LIN9: variants seen among roughly 807,000 people sequenced by gnomAD.
LIN9 encodes protein lin-9 homolog.
Under a neutral mutation model 78.0 loss-of-function variants are expected in LIN9, and 18 were observed. The observed-to-expected ratio is 0.23, with a 90% CI of 0.16 to 0.34. LIN9 has a LOEUF of 0.34. Ranked by LOEUF, LIN9 falls within the 10% of genes least tolerant of loss-of-function variation. The pLI, the probability that LIN9 is intolerant of heterozygous loss-of-function variation, is 1.00. For synonymous variants in LIN9, 192 were observed against 215.2 expected (o/e 0.89, Z 0.94); for missense variants, 451 against 644.1 (o/e 0.70, Z 3.25).
intron 7 of LIN9, among the ~76,000 whole-genome samples, chr1:226,272,539 CTTT>C (rs555346267): frequency 0.22 from 28,353 of 129,444 alleles, 3,259 homozygotes; most frequent in South Asian, 0.33. Flanking sequence ...CATGCTTGAC[CTTT>C]TTTTTTTTTT....
chr1:226,303,116 AAACAC>A (rs1412365724), intron 1 of LIN9, among the ~76,000 whole-genome samples: 2 of 152,240 alleles, frequency 1.3e-5, no homozygotes, highest in African/African-American at 2.4e-5. Flanking sequence ...TCAAACAATG[AAACAC>A]AACTGTAAAG....
chr1:226,267,918 C>T, intron 8 of LIN9, 39 bp downstream of exon 8: 2 of 1,579,870 alleles, frequency 1.3e-6, no homozygotes, highest in Non-Finnish European at 1.7e-6. Flanking sequence ...ACACATTTAA[C>T]AGGCATAAAA....
chr1:226,268,529 T>C (rs952017993), intron 7 of LIN9, among the ~76,000 whole-genome samples: 1 of 152,186 alleles, frequency 6.6e-6, no homozygotes, highest in African/African-American at 2.4e-5. Context: ...GGTTGGCCTT[T>C]GTCTGGTATC....
At chr1:226,296,534 A>T (rs375880799) in intron 3 of LIN9, among the ~76,000 whole-genome samples, 8 of 152,244 alleles carry the variant, frequency 5.3e-5, no homozygotes, top group Non-Finnish European at 8.8e-5. Flanking sequence ...AGGGTCTGTA[A>T]TAGTAAAGAT....
intron 7 of LIN9, among the ~76,000 whole-genome samples, chr1:226,271,806 T>C (rs1343829594): frequency 1.3e-5 from 2 of 152,166 alleles, no homozygotes; most frequent in African/African-American, 4.8e-5. Context: ...AATATTAGGA[T>C]TGGTATATCT....
At chr1:226,260,941 G>A (rs183204704) in intron 10 of LIN9, among the ~76,000 whole-genome samples, 28 of 151,670 alleles carry the variant, frequency 1.8e-4, no homozygotes, top group Non-Finnish European at 2.9e-4. Flanking sequence ...CACCGCACCC[G>A]GCCCCAAGTG....
intron 10 of LIN9, among the ~76,000 whole-genome samples, chr1:226,261,440 G>GGGA (rs1659585980): frequency 6.6e-6 from 1 of 151,248 alleles, no homozygotes; most frequent in Non-Finnish European, 1.5e-5. Flanking sequence ...CTACAGCAAA[G>GGGA]TTGCAGGATA....
chr1:226,289,838 G>GGGGGTGGGGGGGTGGGGGGGGGT, intron 4 of LIN9, among the ~76,000 whole-genome samples: 1 of 59,108 alleles, frequency 1.7e-5, no homozygotes, highest in Non-Finnish European at 3.6e-5. Context: ...GTCCTCCGGG[G>GGGGGTGGGGGGGTGGGGGGGGGT]GGGGGGGTGG....
At chr1:226,287,578 C>T in intron 5 of LIN9, 86 bp downstream of exon 5, 1 of 837,380 alleles carries the variant, frequency 1.2e-6, no homozygotes, top group Non-Finnish European at 1.8e-6. Flanking sequence ...CAAAGTAGAC[C>T]TATAGAAAAT....
intron 10 of LIN9, among the ~76,000 whole-genome samples, chr1:226,255,286 T>C (rs1407899584): frequency 6.6e-6 from 1 of 152,152 alleles, no homozygotes; most frequent in Non-Finnish European, 1.5e-5. Context: ...AGATGGAGCA[T>C]TCTGTTCTTA....
chr1:226,252,096 G>A (rs909702984), intron 10 of LIN9, among the ~76,000 whole-genome samples: 4 of 152,026 alleles, frequency 2.6e-5, no homozygotes, highest in African/African-American at 9.6e-5. Context: ...CGTGAGTCTA[G>A]GAGTTTGAGA....
intron 3 of LIN9, among the ~76,000 whole-genome samples, chr1:226,296,723 A>G (rs1242198324): frequency 6.6e-6 from 1 of 152,120 alleles, no homozygotes; most frequent in African/African-American, 2.4e-5. Flanking sequence ...TGAACCCTTG[A>G]AATTAAACCC....
intron 10 of LIN9, among the ~76,000 whole-genome samples, chr1:226,262,323 G>A (rs1659641286): frequency 6.6e-6 from 1 of 152,102 alleles, no homozygotes; most frequent in South Asian, 2.1e-4. Flanking sequence ...TAAAGACATT[G>A]TAAAGAGAAT....
chr1:226,255,553 A>C (rs1470573978), intron 10 of LIN9, among the ~76,000 whole-genome samples: 1 of 152,234 alleles, frequency 6.6e-6, no homozygotes, highest in Admixed American at 6.5e-5. Context: ...AGGAGGCAAA[A>C]AAAAACATAG....
At chr1:226,286,068 T>TA (rs1247624195) in intron 6 of LIN9, among the ~76,000 whole-genome samples, 1 of 152,166 alleles carries the variant, frequency 6.6e-6, no homozygotes, top group African/African-American at 2.4e-5. Context: ...TTTTAAAGAT[T>TA]AAAAAAATCA....
intron 4 of LIN9, among the ~76,000 whole-genome samples, chr1:226,289,494 C>T (rs927061065): frequency 6.6e-6 from 1 of 152,040 alleles, no homozygotes; most frequent in Admixed American, 6.6e-5. Flanking sequence ...TCCCAAGTAG[C>T]TGGGACTGCA....
intron 11 of LIN9, among the ~76,000 whole-genome samples, 199 bp from the exon 12 acceptor site, chr1:226,239,295 GT>G (rs1452632302): frequency 1.3e-5 from 2 of 152,188 alleles, no homozygotes; most frequent in African/African-American, 4.8e-5. Flanking sequence ...GCATCATGAT[GT>G]CTGCCATTTG....
chr1:226,245,393 T>C (rs867540561), intron 11 of LIN9, among the ~76,000 whole-genome samples: 2 of 150,260 alleles, frequency 1.3e-5, no homozygotes, highest in African/African-American at 4.9e-5. Context: ...TTTGTTAAAG[T>C]TTCTTAGTTC....
intron 6 of LIN9, 56 bp downstream of exon 6, chr1:226,286,277 A>C (rs1661374643): frequency 1.3e-6 from 2 of 1,565,348 alleles, no homozygotes; most frequent in South Asian, 2.4e-5. Context: ...TTATAAGTAC[A>C]TGCACTGCTA....
Sources: gnomAD v4.1 joint callset for allele counts (sites outside exome capture counted in the v4.1 genomes callset) on GRCh38, gnomAD v4.1.1 for gene constraint, MANE v1.5 for transcripts, NCBI Gene and HGNC (gene_info 2026-07-23, HGNC 2026-07-21) for gene names.